Variants in OR7G2 observed in about 807,000 individuals in gnomAD.
OR7G2 encodes olfactory receptor 7G2.
For synonymous variants in OR7G2, 153 were observed against 152.2 expected (o/e 1.01, Z -0.04); for missense variants, 362 against 384.0 (o/e 0.94, Z 0.48).
At position 9,103,191 on chromosome 19, in the gene OR7G2, A is replaced by G. The variant is rs776771825; in HGVS notation, c.53T>C (p.Ile18Thr). 3.1e-6 allele frequency: 5 copies of G among 1,614,144 alleles called. No homozygotes were observed. The highest frequency in any genetic ancestry group is 4.5e-5 in the East Asian group (2 of 44,876). Residue 18 changes from isoleucine (I) to threonine (T), a missense_variant, in exon 2 of 2, where the codon ATA becomes ACA. Coordinates refer to ENST00000641081, the MANE Select transcript of OR7G2 (RefSeq NM_001005193.2). ...AISKFLLLGL[I>T]EDPELQPVLF... ...GACGGGCTGCAGTTCCGGATCCTCT[A>G]TCAGTCCCAGGAGAAGGAATTTTGA...
In OR7G2 at chr19:9,101,994, G is replaced by T. The variant is rs2145910076; in HGVS notation, c.*275C>A. The T allele has an allele frequency of 3.3e-6, 1 of 301,276 alleles. No individual in the cohort carries two copies. The highest frequency in any genetic ancestry group is 6.2e-5 in the East Asian group (1 of 16,056). The allele number at this position is 301,276 out of a possible 1,614,324, so 18.7% of individuals were successfully genotyped here. A position where few individuals can be genotyped will look rare whatever the true frequency, so the allele number is the denominator to read the frequency against. ...GAGGCGGGTGGATCACCTGACGTCA[G>T]GAGTTTGAGACCAGCCTGGCCAACA... On this transcript the variant is annotated 3_prime_UTR_variant, in exon 2 of 2. Transcript: ENST00000641081.
chr19:9,103,708 G>A (rs570389933), intron 1 of OR7G2, among the ~76,000 whole-genome samples: 31 of 150,240 alleles, frequency 2.1e-4, no homozygotes, highest in African/African-American at 6.9e-4. Flanking sequence ...TAGTAGAGAC[G>A]GCGGGGGTGG....
At position 9,101,397 on chromosome 19, in the gene OR7G2, G is replaced by A. The variant is rs922293249; in HGVS notation, c.*872C>T. On this transcript the variant is annotated 3_prime_UTR_variant, in exon 2 of 2. Coordinates refer to ENST00000641081, the MANE Select transcript of OR7G2 (RefSeq NM_001005193.2). ...TACCTTCCACAACTTTTCTTCTTCT[G>A]AGACTAATCCATTAAAAAAAAATCA... The A allele has an allele frequency of 1.3e-5, 2 of 152,016 alleles. No individual in the cohort carries two copies. The highest frequency in any genetic ancestry group is 2.9e-5 in the Non-Finnish European group (2 of 68,028). 9.4% of individuals were successfully genotyped at this position (152,016 alleles called of 1,614,324 possible). A position where few individuals can be genotyped will look rare whatever the true frequency, so the allele number is the denominator to read the frequency against.
In OR7G2 at chr19:9,102,989, G is replaced by A; in HGVS notation, c.255C>T (p.Ile85=). 1 of 1,614,190 alleles carries A rather than the reference G, an allele frequency of 6.2e-7. No individual in the cohort carries two copies. The highest frequency in any genetic ancestry group is 1.1e-5 in the South Asian group (1 of 91,082). The change falls in exon 2 of 2, where the codon ATC becomes ATT. Residue 85 remains isoleucine, a synonymous_variant. Transcript: ENST00000641081. ...TTTIPKMLVN[I]QAQNRSITYS... is the part of the protein sequence containing the mutation. ...ACGTGATGCTCCGATTCTGAGCTTG[G>A]ATGTTCACCAGCATCTTTGGGATCG...
Position 9,106,186 on chromosome 19 carries a change from G to A in OR7G2, c.-17+1128C>T, listed in dbSNP as rs2050384682. ...TAATCCCAGCACTTTGGGAGGCTGA[G>A]GCAGGTGGATCACCTGAGATCAAGA... On this transcript the variant is annotated intron_variant, in intron 1 of 1. Coordinates refer to ENST00000641081, the MANE Select transcript of OR7G2 (RefSeq NM_001005193.2). Among the ~76,000 whole-genome samples, 5 of 152,242 alleles carry A rather than the reference G, an allele frequency of 3.3e-5. 1 individual carries two copies. In the South Asian group the frequency reaches 1.0e-3, roughly 32 times the overall value.
chr19:9,102,138 G>T lies in OR7G2; in HGVS notation c.*131C>A. The T allele has an allele frequency of 1.3e-6, 1 of 753,724 alleles. No homozygotes were observed. Among genetic ancestry groups the T allele is most frequent in the South Asian group, 2.0e-5 (1 of 48,988 alleles). The allele number at this position is 753,724 out of a possible 1,614,324, so 46.7% of individuals were successfully genotyped here. On this transcript the variant is annotated 3_prime_UTR_variant, in exon 2 of 2. Transcript: ENST00000641081. ...GGATGGCTTGAACCCGGAGGCGGAA[G>T]TTGCAGTGAGCCGAGGTCGTGCCAT...
chr19:9,103,391 T>C (rs1018054243), intron 1 of OR7G2, 132 bp from the exon 2 acceptor site: 1 of 762,620 alleles, frequency 1.3e-6, no homozygotes, highest in Non-Finnish European at 2.1e-6. Context: ...GAACCGACAG[T>C]TTATTCTTTC....
rs1323870379 is a variant in OR7G2, at chr19:9,101,888, T to C, written c.*381A>G. ...GTTGGCTTTTATGTCATCTAGACAT[T>C]TTAGAAGAACTTGGTGATGAAAGAG... On this transcript the variant is annotated 3_prime_UTR_variant, in exon 2 of 2. Coordinates refer to ENST00000641081, the MANE Select transcript of OR7G2 (RefSeq NM_001005193.2). 1.2e-5 allele frequency: 2 copies of C among 170,530 alleles called. No individual in the cohort carries two copies. The highest frequency in any genetic ancestry group is 2.5e-5 in the Non-Finnish European group (2 of 79,562). 10.6% of individuals were successfully genotyped at this position (170,530 alleles called of 1,614,324 possible).
intron 1 of OR7G2, among the ~76,000 whole-genome samples, chr19:9,104,698 G>C (rs2050376278): frequency 6.6e-6 from 1 of 151,570 alleles, no homozygotes; most frequent in African/African-American, 2.4e-5. Context: ...GTGGTGGTGG[G>C]CGCCTGTGGT....
At position 9,102,092 on chromosome 19, in the gene OR7G2, A is replaced by C; in HGVS notation, c.*177T>G. 1 of 585,044 alleles carries C rather than the reference A, an allele frequency of 1.7e-6. No individual in the cohort carries two copies. The highest frequency in any genetic ancestry group is 3.0e-6 in the Non-Finnish European group (1 of 334,772). The allele number at this position is 585,044 out of a possible 1,614,324, so 36.2% of individuals were successfully genotyped here. A position where few individuals can be genotyped will look rare whatever the true frequency, so the allele number is the denominator to read the frequency against. ...GTGGCAGGCGCCTGTAATCCCCACT[A>C]CTCAGGAGGCTGAGGCAGGAGGATG... On this transcript the variant is annotated 3_prime_UTR_variant, in exon 2 of 2. Coordinates refer to ENST00000641081, the MANE Select transcript of OR7G2 (RefSeq NM_001005193.2).
intron 1 of OR7G2, among the ~76,000 whole-genome samples, chr19:9,104,578 A>G (rs939419211): frequency 6.6e-6 from 1 of 152,094 alleles, no homozygotes. Flanking sequence ...TTGTAATCCC[A>G]GCACTTTGGG....
chr19:9,103,303 G>T, intron 1 of OR7G2, 44 bp from the exon 2 acceptor site: 1 of 1,608,758 alleles, frequency 6.2e-7, no homozygotes, highest in Non-Finnish European at 8.5e-7. Context: ...AGCTGCATCG[G>T]CATCACTCGA....
In OR7G2 at chr19:9,102,582, A is replaced by G. The variant is rs1204377086; in HGVS notation, c.662T>C (p.Ile221Thr). 1.2e-6 allele frequency: 2 copies of G among 1,614,140 alleles called. No homozygotes were observed. Among genetic ancestry groups the G allele is most frequent in the Admixed American group, 1.7e-5 (1 of 60,008 alleles). The change falls in exon 2 of 2, where the codon ATC becomes ACC. Residue 221 changes from isoleucine to threonine, a missense_variant. Coordinates refer to ENST00000641081, the MANE Select transcript of OR7G2 (RefSeq NM_001005193.2). ...TGGCATTCTCAAAACACAGGAGGTGATCTGAGTGTAAGACAAAATGATTCC... is the reference window on the plus strand; with the variant it reads ...TGGCATTCTCAAAACACAGGAGGTGGTCTGAGTGTAAGACAAAATGATTCC... ...LSGIILSYTQ[I>T]TSCVLRMPSA...
chr19:9,103,208 G>A lies in OR7G2; in HGVS notation c.36C>T (p.Phe12=). The A allele has an allele frequency of 6.2e-7, 1 of 1,613,996 alleles. No homozygotes were observed. The highest frequency in any genetic ancestry group is 1.3e-5 in the African/African-American group (1 of 75,026). ...GATCCTCTATCAGTCCCAGGAGAAG[G>A]AATTTTGAAATAGCTGTTTGGTTTC... ...EARNQTAISK[F]LLLGLIEDPE... is the part of the protein sequence containing the mutation. Residue 12 remains phenylalanine, a synonymous_variant, in exon 2 of 2, where the codon TTC becomes TTT. Transcript: ENST00000641081.
At chr19:9,106,194 G>A (rs1259266794) in intron 1 of OR7G2, among the ~76,000 whole-genome samples, 2 of 151,870 alleles carry the variant, frequency 1.3e-5, no homozygotes, top group African/African-American at 4.8e-5. Context: ...GAGGCAGGTG[G>A]ATCACCTGAG....
In OR7G2 at chr19:9,101,848, C is replaced by T. The variant is rs1210688744; in HGVS notation, c.*421G>A. 2.5e-5 allele frequency: 4 copies of T among 157,808 alleles called. No homozygotes were observed. The highest frequency in any genetic ancestry group is 3.9e-4 in the South Asian group (2 of 5,142). 9.8% of individuals were successfully genotyped at this position (157,808 alleles called of 1,614,324 possible). The stretch of plus-strand genomic sequence containing the variant: ...TAAAAAGCAAAGTCAGATTTCAAGC[C>T]GGAGTGGAAATGTAGTTGGCTTTTA... On this transcript the variant is annotated 3_prime_UTR_variant, in exon 2 of 2. Coordinates refer to ENST00000641081, the MANE Select transcript of OR7G2 (RefSeq NM_001005193.2).
Position 9,102,239 on chromosome 19 carries a change from C to T in OR7G2, c.*30G>A, listed in dbSNP as rs1395651359. On this transcript the variant is annotated 3_prime_UTR_variant, in exon 2 of 2. Transcript: ENST00000641081. ...AAAACAAAACAAAGAGTCAGGCATTCTAGCTCACCAGGAATCCTGTCACTT... is the reference window on the plus strand; with the variant it reads ...AAAACAAAACAAAGAGTCAGGCATTTTAGCTCACCAGGAATCCTGTCACTT... The T allele has an allele frequency of 6.4e-7, 1 of 1,553,782 alleles. No individual in the cohort carries two copies. The highest frequency in any genetic ancestry group is 1.4e-5 in the African/African-American group (1 of 72,790).
At position 9,102,992 on chromosome 19, in the gene OR7G2, GT is replaced by G. The variant is rs1259614298; in HGVS notation, c.251del (p.Asn84ThrfsTer53). 1.2e-6 allele frequency: 2 copies of G among 1,614,044 alleles called. No homozygotes were observed. Among genetic ancestry groups the G allele is most frequent in the African/African-American group, 2.7e-5 (2 of 74,932 alleles). ...TGATGCTCCGATTCTGAGCTTGGAT[GT>G]TCACCAGCATCTTTGGGATCGTGGT... ...STTTIPKMLV[N>X]IQAQNRSITY... On this transcript the variant is annotated frameshift_variant, in exon 2 of 2. Transcript: ENST00000641081. LOFTEE classifies it low-confidence loss of function (END_TRUNC).
Position 9,102,831 on chromosome 19 carries a change from G to A in OR7G2, c.413C>T (p.Pro138Leu), listed in dbSNP as rs1229602619. The change falls in exon 2 of 2, where the codon CCC becomes CTC. Residue 138 changes from proline to leucine, a missense_variant. Transcript: ENST00000641081. Reference protein sequence around the residue: ...HPLRYTVIMNPRLCGLLILLS... With the variant: ...HPLRYTVIMNLRLCGLLILLS... ...AAGAATCAGCAGGCCACAGAGGCGG[G>A]GGTTCATGATGACTGTGTATCTAAG... is the stretch of plus-strand genomic sequence containing the variant. The A allele has an allele frequency of 1.2e-6, 2 of 1,613,730 alleles. No individual in the cohort carries two copies. Among genetic ancestry groups the A allele is most frequent in the Non-Finnish European group, 1.7e-6 (2 of 1,179,724 alleles).
Sources: gnomAD v4.1 joint callset for allele counts (sites outside exome capture counted in the v4.1 genomes callset) on GRCh38, gnomAD v4.1.1 for gene constraint, MANE v1.5 for transcripts, NCBI Gene and HGNC (gene_info 2026-07-23, HGNC 2026-07-21) for gene names.